DORIP1: variants seen among roughly 807,000 people sequenced by gnomAD.
DORIP1 encodes the protein dopamine receptor interacting protein 1.
the DORIP1 span, chr14:44,900,496 T>C: frequency 4.4e-6 from 7 of 1,578,100 alleles, no homozygotes. Context: ...CCAAGATCGA[T>C]CATTTTGTAG....
the DORIP1 span, among the ~76,000 whole-genome samples, chr14:44,901,922 A>G: frequency 6.6e-6 from 1 of 152,192 alleles, no homozygotes; most frequent in African/African-American, 2.4e-5. Flanking sequence ...GAGTGTTGGG[A>G]AACGTTAAAG....
the DORIP1 span, among the ~76,000 whole-genome samples, chr14:44,897,883 G>A: frequency 6.6e-6 from 1 of 152,212 alleles, no homozygotes; most frequent in African/African-American, 2.4e-5. Flanking sequence ...GTAGCGCGTG[G>A]CTGTACAGGC....
chr14:44,901,876 T>C, the DORIP1 span, among the ~76,000 whole-genome samples: 17 of 152,154 alleles, frequency 1.1e-4, no homozygotes, highest in Non-Finnish European at 2.4e-4. Context: ...ACCTGGTAAA[T>C]GATAGGGACA....
At chr14:44,903,342 T>C in the DORIP1 span, 3 of 1,559,184 alleles carry the variant, frequency 1.9e-6, no homozygotes, top group African/African-American at 4.1e-5. Context: ...TATGTGTTTA[T>C]AAGGAAACCT....
At chr14:44,904,524 T>C in the DORIP1 span, 19 of 1,590,334 alleles carry the variant, frequency 1.2e-5, no homozygotes, top group Non-Finnish European at 1.6e-5. Context: ...ATTTGTCTGA[T>C]CACAAGTAGG....
At chr14:44,903,807 G>A in the DORIP1 span, 1 of 983,832 alleles carries the variant, frequency 1.0e-6, no homozygotes. Flanking sequence ...ATTAAGTCCA[G>A]AAAGTGAACG....
the DORIP1 span, among the ~76,000 whole-genome samples, chr14:44,898,237 T>C: frequency 6.6e-6 from 1 of 152,168 alleles, no homozygotes; most frequent in Non-Finnish European, 1.5e-5. Flanking sequence ...CACCCCTCAT[T>C]TTTATTGCAA....
At chr14:44,904,155 T>C in the DORIP1 span, 2 of 985,254 alleles carry the variant, frequency 2.0e-6, no homozygotes, top group South Asian at 4.7e-5. Context: ...TATACAGAAA[T>C]AGCCAGCATT....
At chr14:44,902,739 T>G in the DORIP1 span, among the ~76,000 whole-genome samples, 3 of 152,166 alleles carry the variant, frequency 2.0e-5, no homozygotes, top group Admixed American at 6.5e-5. Flanking sequence ...CTCTATAACT[T>G]TTAAGTTTTT....
the DORIP1 span, among the ~76,000 whole-genome samples, chr14:44,902,354 G>T: frequency 1.3e-5 from 2 of 152,028 alleles, no homozygotes; most frequent in Middle Eastern, 3.4e-3. Flanking sequence ...TTGAGACAGG[G>T]TCTCACTCCA....
chr14:44,900,266 G>A, the DORIP1 span: 1 of 499,048 alleles, frequency 2.0e-6, no homozygotes. Flanking sequence ...CAGAGAGCAT[G>A]CATAGTGCGC....
the DORIP1 span, chr14:44,897,468 G>T: frequency 4.7e-6 from 1 of 212,514 alleles, no homozygotes; most frequent in Non-Finnish European, 9.1e-6. Context: ...TCATAGATGA[G>T]GCAGCGGCGG....
At chr14:44,903,418 G>T in the DORIP1 span, 1 of 1,458,816 alleles carries the variant, frequency 6.9e-7, no homozygotes. Flanking sequence ...ACATTTTACA[G>T]TGTTTTTGTT....
chr14:44,898,819 CTG>C, the DORIP1 span: 2 of 152,106 alleles, frequency 1.3e-5, no homozygotes, highest in African/African-American at 4.8e-5. Context: ...ACTGAAAACA[CTG>C]TGTTCATGTG....
the DORIP1 span, chr14:44,900,405 T>C: frequency 7.1e-7 from 1 of 1,406,530 alleles, no homozygotes; most frequent in Non-Finnish European, 9.4e-7. Flanking sequence ...TACAATTTTA[T>C]GTGTTCTGTT....
chr14:44,898,072 GT>G, the DORIP1 span, among the ~76,000 whole-genome samples: 8 of 152,182 alleles, frequency 5.3e-5, no homozygotes, highest in Non-Finnish European at 1.0e-4. Flanking sequence ...GGTCAGGAGA[GT>G]TTTCCAGGTT....
chr14:44,907,240 C>G, the DORIP1 span: 1 of 152,532 alleles, frequency 6.6e-6, no homozygotes, highest in Admixed American at 6.5e-5. Context: ...AAACATTTTT[C>G]TACCTCTTTT....
the DORIP1 span, among the ~76,000 whole-genome samples, chr14:44,902,567 A>G: frequency 6.6e-6 from 1 of 151,736 alleles, no homozygotes; most frequent in Admixed American, 6.6e-5. Context: ...TGATTCACCC[A>G]CCTCAGCTTC....
At chr14:44,899,956 C>G in the DORIP1 span, among the ~76,000 whole-genome samples, 2 of 151,682 alleles carry the variant, frequency 1.3e-5, no homozygotes, top group East Asian at 1.9e-4. Context: ...CTCAGCCTCC[C>G]GAGTAGCTGG....
Sources: allele counts gnomAD v4.1 joint callset (sites outside exome capture counted in the v4.1 genomes callset), GRCh38; gene constraint gnomAD v4.1.1; transcripts MANE v1.5; gene names NCBI Gene and HGNC (gene_info 2026-07-23, HGNC 2026-07-21).